The following OSBPL3 variants were observed in gnomAD, a reference collection of about 807,000 sequenced individuals.
OSBPL3 encodes the protein oxysterol-binding protein-related protein 3.
Under a neutral mutation model 120.1 loss-of-function variants are expected in OSBPL3, and 65 were observed. The ratio of observed to expected loss-of-function variants is 0.54; its 90% CI spans 0.44 to 0.67. The LOEUF is 0.67. Among genes scored for constraint, OSBPL3 ranks in the 30% least tolerant of loss-of-function variants. The pLI, the probability that OSBPL3 is intolerant of heterozygous loss-of-function variation, is 0.00. For synonymous variants in OSBPL3, 416 were observed against 402.6 expected (o/e 1.03, Z -0.40); for missense variants, 1,004 against 1,082.1 (o/e 0.93, Z 1.01).
intron 16 of OSBPL3, among the ~76,000 whole-genome samples, chr7:24,828,762 G>T (rs187450264): frequency 7.0e-6 from 1 of 142,728 alleles, no homozygotes; most frequent in Admixed American, 7.5e-5. Flanking sequence ...CTAATTTACA[G>T]ATTTTTTTTT....
In OSBPL3 at chr7:24,863,650, T is replaced by A. The variant is rs753276969; in HGVS notation, c.674-51A>T. 1 of 1,176,082 alleles carries A rather than the reference T, an allele frequency of 8.5e-7. No homozygotes were observed. The allele number at this position is 1,176,082 out of a possible 1,614,324, so 72.9% of individuals were successfully genotyped here. On this transcript the variant is annotated intron_variant, in intron 7 of 22. Transcript: ENST00000313367. This position sits in a 1 kb window ranked among gnomAD's most constrained non-coding sequence, Gnocchi z 5.8. Reference sequence around the variant, plus strand: ...CACAATGCTCCACTAGCAAGAGGGATCACTGTGCTGTCCCCATGCCAGCTA... The same window carrying A: ...CACAATGCTCCACTAGCAAGAGGGAACACTGTGCTGTCCCCATGCCAGCTA...
chr7:24,928,277 C>T lies in OSBPL3; in HGVS notation c.-149-35656G>A, dbSNP rs572457706. On this transcript the variant is annotated intron_variant, in intron 1 of 22. Transcript: ENST00000313367. ...CACGATCTCAGCTCACTGCAAACTCCGCCTCCCAGGTTCACGCCATTCTCC... is the reference window on the plus strand; with the variant it reads ...CACGATCTCAGCTCACTGCAAACTCTGCCTCCCAGGTTCACGCCATTCTCC... Among the ~76,000 whole-genome samples, 178 of 151,410 alleles carry T rather than the reference C, an allele frequency of 1.2e-3. 1 individual carries two copies. The Middle Eastern group carries it at 0.014, about 12-fold the overall frequency.
intron 10 of OSBPL3, among the ~76,000 whole-genome samples, chr7:24,859,223 A>G (rs1261075692): frequency 1.3e-5 from 2 of 152,204 alleles, no homozygotes; most frequent in African/African-American, 4.8e-5. Context: ...GTAATGTACG[A>G]AACAAAAATA....
rs771058580 is a variant in OSBPL3, at chr7:24,913,922, T to C, written c.-149-21301A>G. Among the ~76,000 whole-genome samples the C allele has an allele frequency of 6.6e-6, 1 of 152,172 alleles. No homozygotes were observed. The highest frequency in any genetic ancestry group is 2.1e-4 in the South Asian group (1 of 4,830). On this transcript the variant is annotated intron_variant, in intron 1 of 22. Transcript: ENST00000313367. The surrounding 1 kb of genome is among the most constrained non-coding windows in gnomAD (Gnocchi z 5.3). The stretch of plus-strand genomic sequence containing the variant: ...AAGTTCTACATATATGCATTGAAAC[T>C]TTCCTAAGGAGCAGATTCATTACGA...
rs1793569126 is a variant in OSBPL3, at chr7:24,809,971, T to C, written c.2173-20A>G. ...TTTTGCCTAGGATTCAAATGAGTTG[T>C]TGGCTTAGTCCTTTAGCATCAGCTT... On this transcript the variant is annotated intron_variant, in intron 19 of 22. Coordinates refer to ENST00000313367, the MANE Select transcript of OSBPL3 (RefSeq NM_015550.4). 1 of 1,613,790 alleles carries C rather than the reference T, an allele frequency of 6.2e-7. No individual in the cohort carries two copies. The highest frequency in any genetic ancestry group is 1.1e-5 in the South Asian group (1 of 91,074).
At position 24,912,405 on chromosome 7, in the gene OSBPL3, C is replaced by A. The variant is rs752352453; in HGVS notation, c.-149-19784G>T. Among the ~76,000 whole-genome samples, 15 of 152,216 alleles carry A rather than the reference C, an allele frequency of 9.9e-5. No homozygotes were observed. The highest frequency in any genetic ancestry group is 2.6e-4 in the Admixed American group (4 of 15,278). On this transcript the variant is annotated intron_variant, in intron 1 of 22. Transcript: ENST00000313367. This position sits in a 1 kb window ranked among gnomAD's most constrained non-coding sequence, Gnocchi z 4.5. ...GCAACCAGGGCCTTGATCTTCCTTG[C>A]ATATTCCCCTATGTTGCAGATTCAC...
At chr7:24,963,905 A>T (rs1310370984) in intron 1 of OSBPL3, among the ~76,000 whole-genome samples, 1 of 152,182 alleles carries the variant, frequency 6.6e-6, no homozygotes, top group Non-Finnish European at 1.5e-5. Flanking sequence ...ACTATACAAG[A>T]TTAGCCTGAG....
At chr7:24,838,926 T>C (rs1797348810) in intron 14 of OSBPL3, among the ~76,000 whole-genome samples, 1 of 152,200 alleles carries the variant, frequency 6.6e-6, no homozygotes, top group Non-Finnish European at 1.5e-5. Context: ...AAGGGGTTCA[T>C]CTCCCAAGAA....
chr7:24,909,654 G>A (rs577991002), intron 1 of OSBPL3, among the ~76,000 whole-genome samples: 49 of 151,970 alleles, frequency 3.2e-4, no homozygotes, highest in Non-Finnish European at 5.6e-4. Context: ...ACCTCTGTAC[G>A]TCTTAACAGA....
At chr7:24,828,615 A>AG (rs1417872344) in intron 16 of OSBPL3, among the ~76,000 whole-genome samples, 2 of 129,132 alleles carry the variant, frequency 1.5e-5, no homozygotes, top group Admixed American at 7.3e-5. Context: ...TGAAAAAAAA[A>AG]AAAAAAGAAA....
chr7:24,907,519 G>A, intron 1 of OSBPL3, among the ~76,000 whole-genome samples: 1 of 150,338 alleles, frequency 6.7e-6, no homozygotes, highest in East Asian at 2.1e-4. Flanking sequence ...CACTTTGGCT[G>A]TTATCACTCA....
chr7:24,927,976 T>G (rs1351747839), intron 1 of OSBPL3, among the ~76,000 whole-genome samples: 1 of 152,066 alleles, frequency 6.6e-6, no homozygotes, highest in Non-Finnish European at 1.5e-5. Context: ...GGAGATAAAT[T>G]TCCCCTTTGG....
chr7:24,895,672 G>A (rs1412576948), intron 1 of OSBPL3, among the ~76,000 whole-genome samples: 1 of 152,116 alleles, frequency 6.6e-6, no homozygotes, highest in Non-Finnish European at 1.5e-5. Flanking sequence ...CACCAGAGAG[G>A]AGGCCTCGGC....
At chr7:24,928,458 TA>T (rs1811376784) in intron 1 of OSBPL3, among the ~76,000 whole-genome samples, 2 of 152,170 alleles carry the variant, frequency 1.3e-5, no homozygotes, top group South Asian at 4.1e-4. Flanking sequence ...CCCAAAGTGC[TA>T]GGATTACAGG....
chr7:24,874,170 T>C (rs1802543886), intron 2 of OSBPL3, among the ~76,000 whole-genome samples: 1 of 152,238 alleles, frequency 6.6e-6, no homozygotes, highest in South Asian at 2.1e-4. Context: ...GCATTTGAAA[T>C]GTGCCCAGTA....
Position 24,830,862 on chromosome 7 carries a change from T to C in OSBPL3, c.1790A>G (p.Tyr597Cys), listed in dbSNP as rs778323462. The C allele has an allele frequency of 6.2e-7, 1 of 1,613,784 alleles. No individual in the cohort carries two copies. The highest frequency in any genetic ancestry group is 1.1e-5 in the South Asian group (1 of 91,038). ...AAATGGCTTGCTTCCAGCTCGGTAG[T>C]AGCTAGATGCATACGCTGATATGGC... is the stretch of plus-strand genomic sequence containing the variant. Reference protein sequence around the residue: ...AFAISAYASSYYRAGSKPFNP... With the variant: ...AFAISAYASSCYRAGSKPFNP... The change falls in exon 16 of 23, where the codon TAC (tyrosine) becomes TGC (cysteine). Residue 597 changes from tyrosine to cysteine, a missense_variant. By Grantham distance (194) the Tyr-to-Cys change is radical (BLOSUM62 -2). This residue lies in a region of OSBPL3 where 473 missense variants were observed against 568.0 expected (regional missense o/e 0.83). Coordinates refer to ENST00000313367, the MANE Select transcript of OSBPL3 (RefSeq NM_015550.4). This position sits in a 1 kb window ranked among gnomAD's most constrained non-coding sequence, Gnocchi z 4.4.
rs1812424437 is a variant in OSBPL3, at chr7:24,936,362, A to C, written c.-150+43524T>G. Among the ~76,000 whole-genome samples, 1 of 152,340 alleles carries C rather than the reference A, an allele frequency of 6.6e-6. No homozygotes were observed. Among genetic ancestry groups the C allele is most frequent in the Non-Finnish European group, 1.5e-5 (1 of 68,020 alleles). On this transcript the variant is annotated intron_variant, in intron 1 of 22. Coordinates refer to ENST00000313367, the MANE Select transcript of OSBPL3 (RefSeq NM_015550.4). The surrounding 1 kb of genome is among the most constrained non-coding windows in gnomAD (Gnocchi z 4.2). The stretch of plus-strand genomic sequence containing the variant: ...AACCTTTAATGACCACAGACTATGT[A>C]CTAAAATTATGCAAAGGTTCTCCAA...
rs761794977 is a variant in OSBPL3 at position 24,798,462 on chromosome 7, C to T, written c.*1721G>A. 10 of 152,192 alleles carry T rather than the reference C, an allele frequency of 6.6e-5. No individual in the cohort carries two copies. The highest frequency in any genetic ancestry group is 1.5e-4 in the Non-Finnish European group (10 of 68,042). 9.4% of individuals were successfully genotyped at this position (152,192 alleles called of 1,614,324 possible). On this transcript the variant is annotated 3_prime_UTR_variant, in exon 23 of 23. Coordinates refer to ENST00000313367, the MANE Select transcript of OSBPL3 (RefSeq NM_015550.4). This position sits in a 1 kb window ranked among gnomAD's most constrained non-coding sequence, Gnocchi z 4.6. ...TGAGATGGAAAGAACAAAGCATACA[C>T]CAAAGAATCTGACTGTGTCATTCAA...
At position 24,898,631 on chromosome 7, in the gene OSBPL3, G is replaced by C. The variant is rs1309385827; in HGVS notation, c.-149-6010C>G. On this transcript the variant is annotated intron_variant, in intron 1 of 22. Coordinates refer to ENST00000313367, the MANE Select transcript of OSBPL3 (RefSeq NM_015550.4). This position sits in a 1 kb window ranked among gnomAD's most constrained non-coding sequence, Gnocchi z 4.3. ...ATCCAGCAACAGAAATGCACCTGGT[G>C]CATATTTGAAGCGTGCGGCTTCCAT... 2.0e-5 allele frequency among the ~76,000 whole-genome samples: 3 copies of C among 152,184 alleles called. No individual in the cohort carries two copies. The highest frequency in any genetic ancestry group is 4.4e-5 in the Non-Finnish European group (3 of 68,016).
Sources: gnomAD v4.1 joint callset for allele counts (sites outside exome capture counted in the v4.1 genomes callset) on GRCh38, gnomAD v4.1.1 for gene constraint, gnomAD v4.1.1 regional missense constraint, Gnocchi (gnomAD v3.1) non-coding constraint, MANE v1.5 for transcripts, NCBI Gene and HGNC (gene_info 2026-07-23, HGNC 2026-07-21) for gene names.